The following NPEPPS variants were observed in gnomAD, a reference collection of about 807,000 sequenced individuals.
NPEPPS encodes puromycin-sensitive aminopeptidase.
Under a neutral mutation model 115.5 loss-of-function variants are expected in NPEPPS, and 14 were observed. The observed-to-expected ratio is 0.12, with a 90% CI of 0.08 to 0.19. NPEPPS has a LOEUF of 0.19. Among genes scored for constraint, NPEPPS ranks in the 10% least tolerant of loss-of-function variants. The pLI, the probability that NPEPPS is intolerant of heterozygous loss-of-function variation, is 1.00. For missense variants in NPEPPS, 523 were observed against 1,110.8 expected (o/e 0.47, Z 7.52); for synonymous variants, 285 against 390.6 (o/e 0.73, Z 3.19).
At chr17:47,538,202 CTTTTTT>C (rs543559258) in intron 1 of NPEPPS, among the ~76,000 whole-genome samples, 4,156 of 58,416 alleles carry the variant, frequency 0.071, 190 homozygotes, top group East Asian at 0.18. Flanking sequence ...CATATCTGTT[CTTTTTT>C]TTTTTTTTTT....
intron 14 of NPEPPS, 32 bp from the exon 15 acceptor site, chr17:47,601,576 G>C: frequency 6.2e-7 from 1 of 1,612,496 alleles, no homozygotes; most frequent in Non-Finnish European, 8.5e-7. Context: ...GTTTGTCCCA[G>C]TGCAAAATTT....
intron 12 of NPEPPS, 36 bp from the exon 13 acceptor site, chr17:47,596,317 T>C: frequency 7.0e-6 from 9 of 1,282,776 alleles, no homozygotes; most frequent in Non-Finnish European, 8.6e-6. Flanking sequence ...AAAATAAAAA[T>C]ATAAACATTT....
intron 2 of NPEPPS, among the ~76,000 whole-genome samples, chr17:47,567,141 G>T (rs1182405220): frequency 1.3e-5 from 2 of 152,128 alleles, no homozygotes; most frequent in East Asian, 1.9e-4. Flanking sequence ...AATAATTTTG[G>T]CAATAGAAGT....
chr17:47,555,775 A>G (rs1293640327), intron 2 of NPEPPS, among the ~76,000 whole-genome samples: 1 of 151,610 alleles, frequency 6.6e-6, no homozygotes. Flanking sequence ...GAGGCTCACA[A>G]CTGGAGGGTA....
intron 17 of NPEPPS, among the ~76,000 whole-genome samples, chr17:47,606,612 T>C (rs1423132915): frequency 4.6e-5 from 7 of 152,202 alleles, no homozygotes; most frequent in Admixed American, 2.6e-4. Flanking sequence ...CTGCCTAATT[T>C]TTGTATTTTT....
chr17:47,590,610 T>C, intron 9 of NPEPPS, 107 bp from the exon 10 acceptor site: 1 of 1,331,646 alleles, frequency 7.5e-7, no homozygotes, highest in Non-Finnish European at 1.0e-6. Context: ...TTTTAGGTCA[T>C]TAAATTGTGA....
At chr17:47,600,529 T>A (rs1913130215) in intron 14 of NPEPPS, among the ~76,000 whole-genome samples, 1 of 152,214 alleles carries the variant, frequency 6.6e-6, no homozygotes, top group African/African-American at 2.4e-5. Flanking sequence ...CTCTTACCTA[T>A]AATCCACATT....
intron 19 of NPEPPS, among the ~76,000 whole-genome samples, chr17:47,614,695 A>G (rs1914080509): frequency 6.6e-6 from 1 of 152,228 alleles, no homozygotes; most frequent in Admixed American, 6.5e-5. Context: ...TCCGGTCTAT[A>G]AAGAAATGGC....
At chr17:47,583,159 T>C (rs1377170978) in intron 5 of NPEPPS, among the ~76,000 whole-genome samples, 9 of 152,102 alleles carry the variant, frequency 5.9e-5, no homozygotes, top group African/African-American at 2.2e-4. Context: ...AGACCTCTTT[T>C]TCTTGATAGC....
intron 3 of NPEPPS, chr17:47,577,252 T>G: frequency 2.2e-6 from 1 of 449,184 alleles, no homozygotes; most frequent in Non-Finnish European, 4.2e-6. Context: ...GAAATATGAA[T>G]TATATTTAAA....
intron 2 of NPEPPS, among the ~76,000 whole-genome samples, chr17:47,553,627 C>T (rs1018604449): frequency 2.0e-5 from 3 of 152,014 alleles, no homozygotes; most frequent in Non-Finnish European, 4.4e-5. Flanking sequence ...TTTCCCTATA[C>T]ATATGTACTA....
intron 15 of NPEPPS, chr17:47,603,494 C>CT (rs1913348129): frequency 6.5e-6 from 1 of 153,384 alleles, no homozygotes; most frequent in African/African-American, 2.4e-5. Context: ...CCATGTACTT[C>CT]TTTAAAATTG....
intron 19 of NPEPPS, among the ~76,000 whole-genome samples, chr17:47,617,268 G>A (rs575597677): frequency 2.0e-5 from 3 of 152,084 alleles, no homozygotes; most frequent in African/African-American, 7.2e-5. Flanking sequence ...TGCTGCTTTT[G>A]CAGTTAAAAA....
At chr17:47,571,812 T>C (rs867165111) in intron 3 of NPEPPS, among the ~76,000 whole-genome samples, 1 of 152,238 alleles carries the variant, frequency 6.6e-6, no homozygotes, top group Non-Finnish European at 1.5e-5. Context: ...GAGATTCTTC[T>C]GCTGCATTGT....
intron 13 of NPEPPS, 27 bp from the exon 14 acceptor site, chr17:47,599,649 A>G: frequency 6.5e-7 from 1 of 1,548,352 alleles, no homozygotes; most frequent in Middle Eastern, 1.7e-4. Context: ...TGTCAGTACT[A>G]TTATAGCCTT....
At chr17:47,601,255 T>C (rs1298848162) in intron 14 of NPEPPS, among the ~76,000 whole-genome samples, 2 of 151,702 alleles carry the variant, frequency 1.3e-5, no homozygotes, top group African/African-American at 4.8e-5. Context: ...TATACATACA[T>C]ATATATATAT....
upstream of NPEPPS, among the ~76,000 whole-genome samples, chr17:47,528,825 G>A (rs559133540): frequency 4.0e-5 from 6 of 151,772 alleles, no homozygotes; most frequent in East Asian, 9.7e-4. Context: ...TAGTAGAGAC[G>A]GGATTTCACC....
intron 17 of NPEPPS, among the ~76,000 whole-genome samples, chr17:47,607,138 G>A (rs1351803741): frequency 2.6e-5 from 4 of 152,128 alleles, no homozygotes; most frequent in Non-Finnish European, 5.9e-5. Context: ...GCTGCAGTGA[G>A]CTGAGATCAG....
Position 47,596,338 on chromosome 17 carries a change from T to C in NPEPPS, c.1427-15T>C. 7.1e-7 allele frequency: 1 copy of C among 1,409,716 alleles called. No homozygotes were observed. 87.3% of individuals were successfully genotyped at this position (1,409,716 alleles called of 1,614,324 possible). A position where few individuals can be genotyped will look rare whatever the true frequency, so the allele number is the denominator to read the frequency against. On this transcript the variant is annotated splice_polypyrimidine_tract_variant and intron_variant, in intron 12 of 22. Coordinates refer to ENST00000322157, the MANE Select transcript of NPEPPS (RefSeq NM_006310.4). ...AAAATATAAACATTTTAGATTATCA[T>C]TGTTTATCTTCTAGAGGATCTCTGG...
Sources: allele counts gnomAD v4.1 joint callset (sites outside exome capture counted in the v4.1 genomes callset), GRCh38; gene constraint gnomAD v4.1.1; transcripts MANE v1.5; gene names NCBI Gene and HGNC (gene_info 2026-07-23, HGNC 2026-07-21).